Variants in PDZD2 observed in about 807,000 individuals in gnomAD.
PDZD2 encodes PDZ domain-containing protein 2.
Under a neutral mutation model 220.7 loss-of-function variants are expected in PDZD2, and 90 were observed. The ratio of observed to expected loss-of-function variants is 0.41; its 90% CI spans 0.34 to 0.49. The LOEUF is 0.49. Ranked by LOEUF, PDZD2 falls within the 20% of genes least tolerant of loss-of-function variation. The pLI, the probability that PDZD2 is intolerant of heterozygous loss-of-function variation, is 0.28. For missense variants in PDZD2, 3,174 were observed against 3,608.5 expected (o/e 0.88, Z 3.08); for synonymous variants, 1,375 against 1,450.5 (o/e 0.95, Z 1.18).
intron 14 of PDZD2, 111 bp downstream of exon 14, chr5:32,061,245 G>A (rs895076044): frequency 2.2e-5 from 21 of 947,314 alleles, no homozygotes; most frequent in African/African-American, 6.5e-5. Flanking sequence ...GGCAACCTAC[G>A]GGTGGTTCAT....
intron 2 of PDZD2, among the ~76,000 whole-genome samples, chr5:31,870,309 T>G (rs1738669565): frequency 1.3e-5 from 2 of 152,214 alleles, no homozygotes; most frequent in Admixed American, 1.3e-4. Flanking sequence ...TTATCAGAAA[T>G]GAGACAGTTG....
At chr5:31,789,825 A>G (rs1035562467) in intron 1 of PDZD2, among the ~76,000 whole-genome samples, 1 of 152,050 alleles carries the variant, frequency 6.6e-6, no homozygotes, top group African/African-American at 2.4e-5. Context: ...GGCTGAGGCA[A>G]GAAAATCACT....
chr5:31,644,536 G>C (rs1253131527), intron 1 of PDZD2, among the ~76,000 whole-genome samples: 1 of 152,206 alleles, frequency 6.6e-6, no homozygotes, highest in African/African-American at 2.4e-5. Flanking sequence ...GAGATGGTTT[G>C]TTAAGACACT....
At chr5:31,824,498 A>T (rs1756091849) in intron 2 of PDZD2, among the ~76,000 whole-genome samples, 3 of 152,202 alleles carry the variant, frequency 2.0e-5, no homozygotes, top group Admixed American at 2.0e-4. Flanking sequence ...TAGCCAAATT[A>T]TCTACCATGC....
chr5:32,051,472 T>C (rs1276282827), intron 8 of PDZD2, among the ~76,000 whole-genome samples: 1 of 152,234 alleles, frequency 6.6e-6, no homozygotes, highest in Non-Finnish European at 1.5e-5. Flanking sequence ...TAAAACTGTT[T>C]TGCGATGTCT....
intron 2 of PDZD2, among the ~76,000 whole-genome samples, chr5:31,884,227 GCATGCATA>G (rs1407529742): frequency 2.7e-5 from 4 of 147,488 alleles, no homozygotes; most frequent in African/African-American, 7.6e-5. Flanking sequence ...ATAACTGCAT[GCATGCATA>G]CATACATACA....
At position 31,983,561 on chromosome 5, in the gene PDZD2, C is replaced by A. The variant is rs1396977489; in HGVS notation, c.883C>A (p.Pro295Thr). 6.2e-7 allele frequency: 1 copy of A among 1,614,058 alleles called. No homozygotes were observed. The highest frequency in any genetic ancestry group is 1.3e-5 in the African/African-American group (1 of 74,928). ...EVDRGTEHRI[P>T]KTDAPLTTSN... The stretch of plus-strand genomic sequence containing the variant: ...GGACAGAGGGACAGAGCATAGAATT[C>A]CAAAGACAGATGCTCCTCTGACCAC... The change falls in exon 3 of 25, where the codon CCA becomes ACA. Residue 295 changes from proline (P) to threonine (T), a missense_variant. Coordinates refer to ENST00000438447, the MANE Select transcript of PDZD2 (RefSeq NM_178140.4).
chr5:32,089,966 CCCTT>C lies in PDZD2; in HGVS notation c.6520_6523del (p.Leu2174LysfsTer16). ...GCAAAACTGGCGTCCTCCTCCTCCT[CCCTT>C]CAAACAGCCATTAGAAAGGCAGAAT... On this transcript the variant is annotated frameshift_variant, in exon 20 of 25. Transcript: ENST00000438447. LOFTEE classifies it high-confidence loss of function. The C allele has an allele frequency of 6.2e-7, 1 of 1,604,912 alleles. No individual in the cohort carries two copies. Among genetic ancestry groups the C allele is most frequent in the Admixed American group, 1.7e-5 (1 of 59,326 alleles).
At chr5:31,713,211 T>C (rs552341841) in intron 1 of PDZD2, among the ~76,000 whole-genome samples, 1 of 152,322 alleles carries the variant, frequency 6.6e-6, no homozygotes, top group South Asian at 2.1e-4. Context: ...ACATTTGCCA[T>C]GTGTTTTCCC....
At chr5:31,658,412 G>T (rs575624173) in intron 1 of PDZD2, among the ~76,000 whole-genome samples, 1 of 152,180 alleles carries the variant, frequency 6.6e-6, no homozygotes, top group South Asian at 2.1e-4. Context: ...TTTTATCAAA[G>T]ATTTCCCCAG....
At chr5:31,732,822 A>T (rs1749616258) in intron 1 of PDZD2, among the ~76,000 whole-genome samples, 1 of 152,062 alleles carries the variant, frequency 6.6e-6, no homozygotes, top group Non-Finnish European at 1.5e-5. Context: ...TCTGCCTCCT[A>T]GGTTCAAGCA....
rs143966695 is a variant in PDZD2 at position 31,943,959 on chromosome 5, G to A, written c.477-39196G>A. Among the ~76,000 whole-genome samples the A allele has an allele frequency of 3.8e-4, 58 of 152,296 alleles. No homozygotes were observed. In the East Asian group the frequency reaches 9.8e-3, roughly 26 times the overall value. On this transcript the variant is annotated intron_variant, in intron 2 of 24. Transcript: ENST00000438447. The stretch of plus-strand genomic sequence containing the variant: ...TTATGTCTTTGTCACCAGCACAAAT[G>A]ATATTCATTATTTGTAGCAGATAAA...
At chr5:32,092,341 G>A (rs1455796556) in intron 20 of PDZD2, among the ~76,000 whole-genome samples, 1 of 150,362 alleles carries the variant, frequency 6.7e-6, no homozygotes, top group East Asian at 1.9e-4. Flanking sequence ...GGGAGACCAA[G>A]GCAGGCGGAT....
chr5:31,968,498 A>T (rs1748968011), intron 2 of PDZD2, among the ~76,000 whole-genome samples: 1 of 152,162 alleles, frequency 6.6e-6, no homozygotes, highest in Non-Finnish European at 1.5e-5. Context: ...TACTAAAAAT[A>T]CAAAATTAGC....
chr5:32,085,790 T>G (rs966372739), intron 19 of PDZD2, among the ~76,000 whole-genome samples: 6 of 152,214 alleles, frequency 3.9e-5, no homozygotes, highest in Non-Finnish European at 8.8e-5. Context: ...TCTTTTGTTT[T>G]TTTTACACTC....
chr5:31,695,646 G>T (rs566210137), intron 1 of PDZD2, among the ~76,000 whole-genome samples: 1 of 152,252 alleles, frequency 6.6e-6, no homozygotes, highest in South Asian at 2.1e-4. Context: ...CTCCCTTCTT[G>T]GTGCACACCA....
At chr5:32,096,543 T>C (rs1000013829) in intron 21 of PDZD2, among the ~76,000 whole-genome samples, 1 of 152,198 alleles carries the variant, frequency 6.6e-6, no homozygotes, top group African/African-American at 2.4e-5. Context: ...GGTCTCGAAC[T>C]CCTGACCTCA....
intron 1 of PDZD2, chr5:31,692,949 G>C (rs1191332082): frequency 6.6e-6 from 1 of 152,468 alleles, no homozygotes; most frequent in Non-Finnish European, 1.5e-5. Flanking sequence ...GAATGCTGCT[G>C]TTGTTATGGC....
intron 1 of PDZD2, among the ~76,000 whole-genome samples, chr5:31,778,927 A>G (rs759551704): frequency 2.0e-5 from 3 of 152,212 alleles, no homozygotes; most frequent in Non-Finnish European, 4.4e-5. Flanking sequence ...AAGACTTTGC[A>G]TATCAATTTC....
Sources: allele counts gnomAD v4.1 joint callset (sites outside exome capture counted in the v4.1 genomes callset), GRCh38; gene constraint gnomAD v4.1.1; transcripts MANE v1.5; gene names NCBI Gene and HGNC (gene_info 2026-07-23, HGNC 2026-07-21).